Variants in CFAP46 observed in about 807,000 individuals in gnomAD.
CFAP46 encodes cilia- and flagella-associated protein 46.
A neutral mutation model predicts 325.7 loss-of-function variants in CFAP46; 245 were observed. The ratio of observed to expected loss-of-function variants is 0.75; its 90% CI spans 0.68 to 0.84. The LOEUF (loss-of-function observed/expected upper bound fraction) is 0.84, where lower values mean the gene tolerates loss of function less well. CFAP46 is among the 40% of genes least tolerant of loss of function. CFAP46 has a pLI of 0.00. For synonymous variants in CFAP46, 1,523 were observed against 1,495.9 expected (o/e 1.02, Z -0.42); for missense variants, 3,346 against 3,543.0 (o/e 0.94, Z 1.41).
chr10:132,860,715 C>G lies in CFAP46; in HGVS notation c.5091+67G>C, dbSNP rs1848709455. ...TCTGCCAGGCAGAGCCCCATGGACGCCCTTCCTCTCCACCAAGCACCTGGC... is the reference window on the plus strand; with the variant it reads ...TCTGCCAGGCAGAGCCCCATGGACGGCCTTCCTCTCCACCAAGCACCTGGC... On this transcript the variant is annotated intron_variant, in intron 36 of 57. Transcript: ENST00000368586. 5 of 1,505,146 alleles carry G rather than the reference C, an allele frequency of 3.3e-6. 1 individual carries two copies. The South Asian group carries it at 6.2e-5, about 19-fold the overall frequency. The allele number at this position is 1,505,146 out of a possible 1,614,324, so 93.2% of individuals were successfully genotyped here.
chr10:132,813,210 G>A (rs924563338), intron 54 of CFAP46, among the ~76,000 whole-genome samples: 3 of 152,040 alleles, frequency 2.0e-5, no homozygotes, highest in African/African-American at 7.3e-5. Flanking sequence ...GCACCTGGAG[G>A]TCAAGGCACC....
intron 50 of CFAP46, among the ~76,000 whole-genome samples, chr10:132,822,589 G>C (rs1244885528): frequency 7.0e-6 from 1 of 143,478 alleles, no homozygotes; most frequent in African/African-American, 2.6e-5. Context: ...GCTGTGTGCT[G>C]TGTGAGTGCT....
At chr10:132,916,857 C>T (rs2135576835) in intron 16 of CFAP46, among the ~76,000 whole-genome samples, 175 bp from the exon 17 acceptor site, 1 of 152,304 alleles carries the variant, frequency 6.6e-6, no homozygotes, top group East Asian at 1.9e-4. Flanking sequence ...ACTCCAGGGA[C>T]TAAAGCCAGC....
chr10:132,837,497 GCACACAGAC>G (rs1564772725), intron 44 of CFAP46, among the ~76,000 whole-genome samples: 1 of 31,414 alleles, frequency 3.2e-5, no homozygotes. Context: ...GTACACAGAT[GCACACAGAC>G]GCACACAGAC....
chr10:132,930,700 C>A (rs557917120), intron 8 of CFAP46, among the ~76,000 whole-genome samples: 93 of 84,186 alleles, frequency 1.1e-3, no homozygotes, highest in African/African-American at 4.6e-3. Flanking sequence ...ACTCCCCACG[C>A]AGAGCCTGGA....
chr10:132,810,182 G>A (rs932779922), intron 57 of CFAP46, among the ~76,000 whole-genome samples: 3 of 152,220 alleles, frequency 2.0e-5, no homozygotes, highest in South Asian at 2.1e-4. Context: ...CGTCACTGCC[G>A]AGGGTCGCGC....
intron 6 of CFAP46, chr10:132,937,291 G>T: frequency 1.8e-6 from 1 of 543,700 alleles, no homozygotes; most frequent in Non-Finnish European, 3.1e-6. Flanking sequence ...AAAATTCAAA[G>T]CTATTACAAA....
intron 15 of CFAP46, among the ~76,000 whole-genome samples, chr10:132,918,830 G>A (rs1009469671): frequency 3.3e-5 from 5 of 152,170 alleles, no homozygotes; most frequent in African/African-American, 1.2e-4. Flanking sequence ...CTTGGGGGGT[G>A]CCCTCCCTGA....
In CFAP46 at chr10:132,834,685, G is replaced by C. The variant is rs762980960; in HGVS notation, c.6835C>G (p.Leu2279Val). 1 of 1,613,080 alleles carries C rather than the reference G, an allele frequency of 6.2e-7. No homozygotes were observed. Among genetic ancestry groups the C allele is most frequent in the South Asian group, 1.1e-5 (1 of 91,008 alleles). Residue 2279 changes from leucine (L) to valine (V), a missense_variant, in exon 48 of 58, where the codon CTA becomes GTA. Transcript: ENST00000368586. The stretch of plus-strand genomic sequence containing the variant: ...TTGGAGAGGCTGAGCAGGGGGAATA[G>C]CGGCTGCAGAAGCTCCTCCAGGGGC... ...LGPLEELLQP[L>V]FPLLSLSKAR...
intron 15 of CFAP46, among the ~76,000 whole-genome samples, 168 bp from the exon 16 acceptor site, chr10:132,918,688 TGGA>T (rs1280758403): frequency 6.6e-6 from 1 of 152,104 alleles, no homozygotes; most frequent in Non-Finnish European, 1.5e-5. Context: ...AGGAAGAGGC[TGGA>T]GGAGCTCTCC....
intron 25 of CFAP46, among the ~76,000 whole-genome samples, chr10:132,888,236 G>A (rs925117788): frequency 6.6e-6 from 1 of 151,644 alleles, no homozygotes; most frequent in Non-Finnish European, 1.5e-5. Flanking sequence ...CGGGTCTTGG[G>A]TTTTCCTGGC....
In CFAP46 at chr10:132,822,744, G is replaced by C. The variant is rs375066552; in HGVS notation, c.7118-7830C>G. On this transcript the variant is annotated intron_variant, in intron 50 of 57. Transcript: ENST00000368586. Reference sequence around the variant, plus strand: ...TGATGTGTGCTGTGTGTGCAGTGATGTGTGCTGTGTGAGTGCTGATGTGTG... The same window carrying C: ...TGATGTGTGCTGTGTGTGCAGTGATCTGTGCTGTGTGAGTGCTGATGTGTG... Among the ~76,000 whole-genome samples the C allele has an allele frequency of 8.6e-4, 120 of 140,330 alleles. No individual in the cohort carries two copies. In the South Asian group the frequency reaches 0.014, roughly 17 times the overall value. The allele number at this position is 140,330 out of a possible 152,430, so 92.1% of individuals were successfully genotyped here. A position where few individuals can be genotyped will look rare whatever the true frequency, so the allele number is the denominator to read the frequency against.
chr10:132,863,510 C>A (rs1303733229), intron 35 of CFAP46, among the ~76,000 whole-genome samples: 1 of 152,094 alleles, frequency 6.6e-6, no homozygotes, highest in Non-Finnish European at 1.5e-5. Context: ...GAGACCTGCA[C>A]ACACCTGTCC....
At chr10:132,858,164 A>G (rs1383586304) in intron 38 of CFAP46, among the ~76,000 whole-genome samples, 1 of 152,148 alleles carries the variant, frequency 6.6e-6, no homozygotes, top group African/African-American at 2.4e-5. Flanking sequence ...TCCCTCGCGC[A>G]GGCTTCTACA....
At chr10:132,838,828 G>C (rs1477217116) in intron 44 of CFAP46, among the ~76,000 whole-genome samples, 1 of 152,228 alleles carries the variant, frequency 6.6e-6, no homozygotes, top group South Asian at 2.1e-4. Context: ...CTGTGCCAAG[G>C]GGCAGGCATG....
At chr10:132,920,455 C>T (rs973768621) in intron 13 of CFAP46, among the ~76,000 whole-genome samples, 2 of 152,220 alleles carry the variant, frequency 1.3e-5, no homozygotes, top group African/African-American at 4.8e-5. Flanking sequence ...CAAGACCCTC[C>T]TGCTGCTCTG....
chr10:132,835,419 A>G lies in CFAP46; in HGVS notation c.6629T>C (p.Met2210Thr). The G allele has an allele frequency of 6.2e-7, 1 of 1,613,404 alleles. No individual in the cohort carries two copies. The highest frequency in any genetic ancestry group is 8.5e-7 in the Non-Finnish European group (1 of 1,179,862). Residue 2210 changes from methionine to threonine, a missense_variant, in exon 47 of 58, where the codon ATG becomes ACG. Coordinates refer to ENST00000368586, the MANE Select transcript of CFAP46 (RefSeq NM_001200049.3). ...GGCAGTGGGACTTATGGCCAGACGCATCACCTTGCAGGAGCCTGTGGGGAC... is the reference window on the plus strand; with the variant it reads ...GGCAGTGGGACTTATGGCCAGACGCGTCACCTTGCAGGAGCCTGTGGGGAC... ...VQAVGGSCKV[M>T]RLAISPTAFS...
At chr10:132,891,585 G>A (rs1849254806) in intron 25 of CFAP46, among the ~76,000 whole-genome samples, 1 of 152,292 alleles carries the variant, frequency 6.6e-6, no homozygotes, top group East Asian at 1.9e-4. Flanking sequence ...TGTCTCTTGT[G>A]GGGAAAATCC....
rs1370801454 is a variant in CFAP46 at position 132,908,551 on chromosome 10, A to G, written c.2841T>C (p.His947=). The G allele has an allele frequency of 6.5e-6, 10 of 1,550,374 alleles. No individual in the cohort carries two copies. The highest frequency in any genetic ancestry group is 7.0e-6 in the Non-Finnish European group (8 of 1,146,960). ...TGGTGGTCTCATGGTCACGCGCTGC[A>G]TGGGCGAAGTGGGTCAGCCGCGTCA... is the stretch of plus-strand genomic sequence containing the variant. ...QTLTRLTHFA[H]AARDHETTMA... Residue 947 remains histidine (H), a synonymous_variant, in exon 22 of 58, where the codon CAT becomes CAC. Coordinates refer to ENST00000368586, the MANE Select transcript of CFAP46 (RefSeq NM_001200049.3).
Sources: allele counts gnomAD v4.1 joint callset (sites outside exome capture counted in the v4.1 genomes callset), GRCh38; gene constraint gnomAD v4.1.1; transcripts MANE v1.5; gene names NCBI Gene and HGNC (gene_info 2026-07-23, HGNC 2026-07-21).